Variants in ADIPOR2 observed in about 807,000 individuals in gnomAD.
ADIPOR2 encodes adiponectin receptor protein 2.
A neutral mutation model predicts 40.9 loss-of-function variants in ADIPOR2; 18 were observed. The observed-to-expected ratio is 0.44, with a 90% CI of 0.30 to 0.65. The LOEUF (loss-of-function observed/expected upper bound fraction) is 0.65. ADIPOR2 is among the 30% of genes least tolerant of loss of function. The pLI, the probability that ADIPOR2 is intolerant of heterozygous loss-of-function variation, is 0.09. For synonymous variants in ADIPOR2, 165 were observed against 166.4 expected (o/e 0.99, Z 0.06); for missense variants, 283 against 479.2 (o/e 0.59, Z 3.82).
At chr12:1,704,905 A>G (rs559683670) in intron 1 of ADIPOR2, among the ~76,000 whole-genome samples, 1 of 152,278 alleles carries the variant, frequency 6.6e-6, no homozygotes, top group Admixed American at 6.5e-5. Flanking sequence ...ATTGAGCAAT[A>G]TTGATAAAGA....
chr12:1,729,239 T>C (rs1325718356), intron 1 of ADIPOR2, among the ~76,000 whole-genome samples: 2 of 152,090 alleles, frequency 1.3e-5, no homozygotes, highest in Non-Finnish European at 2.9e-5. Flanking sequence ...GTAATAAATA[T>C]TGGAATACTG....
chr12:1,748,534 C>T lies in ADIPOR2; in HGVS notation c.-86-5724C>T, dbSNP rs183760796. Among the ~76,000 whole-genome samples, 4 of 152,196 alleles carry T rather than the reference C, an allele frequency of 2.6e-5. No homozygotes were observed. In the East Asian group the frequency reaches 7.7e-4, roughly 29 times the overall value. On this transcript the variant is annotated intron_variant, in intron 1 of 7. Transcript: ENST00000357103. ...AAGTGCTGGGATTACAGGCGTGAGC[C>T]ACCGTGCCTGGCCTGCGTTTTACAT...
intron 4 of ADIPOR2, chr12:1,778,481 T>A (rs968233445): frequency 1.3e-5 from 2 of 152,880 alleles, no homozygotes; most frequent in Admixed American, 1.3e-4. Context: ...AAGAATAGTC[T>A]TTCCAACAAA....
chr12:1,733,603 C>T (rs1565642106), intron 1 of ADIPOR2, among the ~76,000 whole-genome samples: 5 of 151,832 alleles, frequency 3.3e-5, no homozygotes, highest in Admixed American at 6.6e-5. Context: ...ACCATGTGTT[C>T]TTATTTATTT....
intron 1 of ADIPOR2, among the ~76,000 whole-genome samples, chr12:1,753,583 G>T (rs1862049863): frequency 6.6e-6 from 1 of 152,202 alleles, no homozygotes; most frequent in African/African-American, 2.4e-5. Context: ...AAGTTGAAAT[G>T]TAAGACATTA....
intron 1 of ADIPOR2, among the ~76,000 whole-genome samples, chr12:1,741,494 A>G (rs1727054358): frequency 1.3e-5 from 2 of 152,234 alleles, no homozygotes; most frequent in Admixed American, 1.3e-4. Context: ...TGTCCACTGT[A>G]GCAAGTGAAC....
intron 1 of ADIPOR2, among the ~76,000 whole-genome samples, chr12:1,743,967 G>A (rs1269504765): frequency 2.0e-5 from 3 of 152,068 alleles, no homozygotes; most frequent in South Asian, 2.1e-4. Context: ...GCCACCCAAC[G>A]GATGAGACCA....
chr12:1,718,815 G>T (rs1188399533), intron 1 of ADIPOR2, among the ~76,000 whole-genome samples: 1 of 152,076 alleles, frequency 6.6e-6, no homozygotes, highest in African/African-American at 2.4e-5. Context: ...ATTTTCTTAG[G>T]AAAGTCAGCT....
chr12:1,711,280 A>T (rs2094676260), intron 1 of ADIPOR2, among the ~76,000 whole-genome samples: 1 of 152,132 alleles, frequency 6.6e-6, no homozygotes, highest in African/African-American at 2.4e-5. Flanking sequence ...TAGGATAATG[A>T]AGTAGATAAA....
chr12:1,754,448 TG>T lies in ADIPOR2; in HGVS notation c.106del (p.Asp36ThrfsTer11). ...QLDGTRRGDN[D>X]SHQGDLEPIL... is the part of the protein sequence containing the mutation. ...TGGATGGTACACGAAGAGGTGATAA[TG>T]ACAGCCACCAAGGAGATTTGGAGCC... is the stretch of plus-strand genomic sequence containing the variant. On this transcript the variant is annotated frameshift_variant, in exon 2 of 8. Transcript: ENST00000357103. LOFTEE classifies it high-confidence loss of function. 1.2e-6 allele frequency: 2 copies of T among 1,613,532 alleles called. No homozygotes were observed. Among genetic ancestry groups the T allele is most frequent in the Non-Finnish European group, 1.7e-6 (2 of 1,179,756 alleles).
In ADIPOR2 at chr12:1,781,070, A is replaced by C. The variant is rs1386197997; in HGVS notation, c.832A>C (p.Arg278=). The part of the protein sequence containing the change: ...MFATPQYRGV[R]AGVFLGLGLS... ...TGCCACCCCTCAGTATCGGGGAGTAAGAGCAGGTAAGAGCACGGGGAGGTT... is the reference window on the plus strand; with the variant it reads ...TGCCACCCCTCAGTATCGGGGAGTACGAGCAGGTAAGAGCACGGGGAGGTT... Residue 278 remains arginine (R), a synonymous_variant, in exon 6 of 8, where the codon AGA becomes CGA. Coordinates refer to ENST00000357103, the MANE Select transcript of ADIPOR2 (RefSeq NM_024551.3). 1 of 1,588,684 alleles carries C rather than the reference A, an allele frequency of 6.3e-7. No homozygotes were observed. Among genetic ancestry groups the C allele is most frequent in the South Asian group, 1.2e-5 (1 of 86,670 alleles).
At chr12:1,780,384 A>G in intron 4 of ADIPOR2, 67 bp from the exon 5 acceptor site, 2 of 1,359,092 alleles carry the variant, frequency 1.5e-6, no homozygotes, top group South Asian at 3.5e-5. Flanking sequence ...TTGAAAACAG[A>G]ATCAGTTATA....
intron 1 of ADIPOR2, among the ~76,000 whole-genome samples, chr12:1,748,360 T>C (rs184115648): frequency 3.3e-5 from 5 of 152,246 alleles, no homozygotes; most frequent in Admixed American, 1.3e-4. Context: ...GCCATTCTCC[T>C]GCCTCAGCCT....
At chr12:1,771,133 A>G (rs573136243) in intron 2 of ADIPOR2, among the ~76,000 whole-genome samples, 4 of 152,310 alleles carry the variant, frequency 2.6e-5, no homozygotes, top group African/African-American at 9.6e-5. Context: ...GACCAGCCTG[A>G]GCAACACAGA....
Position 1,785,976 on chromosome 12 carries a change from G to A in ADIPOR2, c.1065G>A (p.Val355=). 6.2e-7 allele frequency: 1 copy of A among 1,614,088 alleles called. No homozygotes were observed. The highest frequency in any genetic ancestry group is 8.5e-7 in the Non-Finnish European group (1 of 1,180,016). ...CTCATCAGCTGTTTCATATCTTTGT[G>A]GTTGCTGGAGCTTTTGTTCACTTCC... is the stretch of plus-strand genomic sequence containing the variant. ...FHSHQLFHIF[V]VAGAFVHFHG... The change falls in exon 8 of 8, where the codon GTG becomes GTA. Residue 355 remains valine (V), a synonymous_variant. Coordinates refer to ENST00000357103, the MANE Select transcript of ADIPOR2 (RefSeq NM_024551.3).
In ADIPOR2 at chr12:1,754,281, C is replaced by G; in HGVS notation, c.-63C>G. On this transcript the variant is annotated 5_prime_UTR_variant, in exon 2 of 8. Coordinates refer to ENST00000357103, the MANE Select transcript of ADIPOR2 (RefSeq NM_024551.3). The stretch of plus-strand genomic sequence containing the variant: ...AGGATCAACTCACTATCCTGAAGGT[C>G]CATTCTCCCAAGAAGAGGGGACAGA... The G allele has an allele frequency of 1.4e-6, 2 of 1,436,432 alleles. No individual in the cohort carries two copies. The highest frequency in any genetic ancestry group is 1.8e-6 in the Non-Finnish European group (2 of 1,084,866). The allele number at this position is 1,436,432 out of a possible 1,614,324, so 89.0% of individuals were successfully genotyped here. A position where few individuals can be genotyped will look rare whatever the true frequency, so the allele number is the denominator to read the frequency against.
intron 2 of ADIPOR2, among the ~76,000 whole-genome samples, chr12:1,769,101 T>TAC (rs1862445054): frequency 6.6e-6 from 1 of 152,200 alleles, no homozygotes; most frequent in Non-Finnish European, 1.5e-5. Flanking sequence ...TATCTTTGGG[T>TAC]ACTGTGGTTT....
At chr12:1,771,851 A>G (rs1862500341) in intron 2 of ADIPOR2, among the ~76,000 whole-genome samples, 1 of 152,234 alleles carries the variant, frequency 6.6e-6, no homozygotes, top group Admixed American at 6.5e-5. Context: ...TCTTGGTTAC[A>G]TACGGAATTA....
chr12:1,741,806 T>A (rs1358926972), intron 1 of ADIPOR2, among the ~76,000 whole-genome samples: 1 of 152,170 alleles, frequency 6.6e-6, no homozygotes, highest in African/African-American at 2.4e-5. Context: ...ATTAAGTGAT[T>A]TTCTTTAGTG....
Sources: gnomAD v4.1 joint callset for allele counts (sites outside exome capture counted in the v4.1 genomes callset) on GRCh38, gnomAD v4.1.1 for gene constraint, MANE v1.5 for transcripts, NCBI Gene and HGNC (gene_info 2026-07-23, HGNC 2026-07-21) for gene names.